GPX3: variants seen among roughly 807,000 people sequenced by gnomAD.
GPX3 encodes the protein glutathione peroxidase 3, also known as GPx-3.
Under a neutral mutation model 25.1 loss-of-function variants are expected in GPX3, and 22 were observed. The observed-to-expected ratio is 0.88, with a 90% CI of 0.63 to 1.25. The LOEUF is 1.25. GPX3 is among the 50% of genes most tolerant of loss of function. GPX3 has a pLI of 0.00. For synonymous variants in GPX3, 110 were observed against 114.5 expected, an observed-to-expected ratio of 0.96 and a Z score of 0.25; for missense variants, 278 against 286.6, an observed-to-expected ratio of 0.97 and a Z score of 0.22.
Position 151,021,317 on chromosome 5 carries a change from A to G in GPX3, c.87+576A>G, listed in dbSNP as rs6873202. On this transcript the variant is annotated intron_variant, in intron 1 of 4. Coordinates refer to ENST00000388825, the MANE Select transcript of GPX3 (RefSeq NM_002084.5). ...GAAGAGGCAGAGATCTGTGCTAGAA[A>G]GAGCTCTGGAGTGACAGTGCAGAAC... The G allele has an allele frequency of 4.4e-3, 710 of 160,472 alleles. 5 individuals carry two copies. Among genetic ancestry groups the G allele is most frequent in the African/African-American group, 0.016 (665 of 41,588 alleles). 9.9% of individuals were successfully genotyped at this position (160,472 alleles called of 1,614,324 possible).
In GPX3 at chr5:151,020,757, G is replaced by GGAGCAAATTTATTTTCTGCTTCTAA; in HGVS notation, c.87+17_87+18insAGCAAATTTATTTTCTGCTTCTAAG. 1 of 1,606,892 alleles carries GGAGCAAATTTATTTTCTGCTTCTAA rather than the reference G, an allele frequency of 6.2e-7. No individual in the cohort carries two copies. On this transcript the variant is annotated intron_variant, in intron 1 of 4. Transcript: ENST00000388825. ...GAAGTCGAAGGTGAGTGAGCCTCCG[G>GGAGCAAATTTATTTTCTGCTTCTAA]GCCGGGGGCCGGGAGAAAAAACCTA...
intron 1 of GPX3, among the ~76,000 whole-genome samples, chr5:151,024,571 C>T (rs1388589918): frequency 6.6e-6 from 1 of 152,226 alleles, no homozygotes; most frequent in African/African-American, 2.4e-5. Flanking sequence ...GCCCACAGTC[C>T]ACTGCACTCT....
In GPX3 at chr5:151,020,617, A is replaced by AGC; in HGVS notation, c.-36_-35dup. ...GACGGACGGTGGCCAGGGATCAGGC[A>AGC]GCGGCTCAGGCGACCCTGAGTGTGC... On this transcript the variant is annotated 5_prime_UTR_variant, in exon 1 of 5. Transcript: ENST00000388825. 1 of 1,559,762 alleles carries AGC rather than the reference A, an allele frequency of 6.4e-7. No individual in the cohort carries two copies. Among genetic ancestry groups the AGC allele is most frequent in the Admixed American group, 1.8e-5 (1 of 56,942 alleles).
intron 1 of GPX3, among the ~76,000 whole-genome samples, chr5:151,022,947 A>T (rs8177422): frequency 6.6e-6 from 1 of 152,110 alleles, no homozygotes; most frequent in Non-Finnish European, 1.5e-5. Flanking sequence ...GACACAGCAA[A>T]GCCCAGCACT....
chr5:151,025,986 A>G (rs972720793), intron 2 of GPX3, among the ~76,000 whole-genome samples: 1 of 152,168 alleles, frequency 6.6e-6, no homozygotes, highest in Non-Finnish European at 1.5e-5. Flanking sequence ...AACTTTGAAG[A>G]TGATCTAGTT....
chr5:151,027,780 G>T, intron 4 of GPX3, 129 bp from the exon 5 acceptor site: 1 of 805,048 alleles, frequency 1.2e-6, no homozygotes, highest in Non-Finnish European at 2.2e-6. Context: ...CACAGCTGGC[G>T]CTGGCAGTCT....
At chr5:151,027,301 C>A in intron 3 of GPX3, 131 bp from the exon 4 acceptor site, 1 of 675,422 alleles carries the variant, frequency 1.5e-6, no homozygotes, top group South Asian at 1.8e-5. Context: ...ACTGCACATT[C>A]ACTGGCTCCT....
intron 4 of GPX3, 35 bp from the exon 5 acceptor site, chr5:151,027,874 A>G: frequency 1.9e-6 from 3 of 1,569,416 alleles, no homozygotes; most frequent in South Asian, 2.2e-5. Flanking sequence ...AGGGGGCCTC[A>G]AGCAAGGTTG....
chr5:151,028,010 G>C lies in GPX3; in HGVS notation c.561G>C (p.Leu187=), dbSNP rs1199213760. 6.2e-7 allele frequency: 1 copy of C among 1,614,082 alleles called. No individual in the cohort carries two copies. ...TCCGCTGGAACTTTGAGAAGTTCCT[G>C]GTGGGGCCAGATGGTATACCCATCA... ...HDIRWNFEKF[L]VGPDGIPIMR... is the part of the protein sequence containing the mutation. The change falls in exon 5 of 5, where the codon CTG becomes CTC. Residue 187 remains leucine, a synonymous_variant. Coordinates refer to ENST00000388825, the MANE Select transcript of GPX3 (RefSeq NM_002084.5).
chr5:151,027,992 G>A lies in GPX3; in HGVS notation c.543G>A (p.Trp181Ter), dbSNP rs574927554. 8.1e-6 allele frequency: 13 copies of A among 1,614,178 alleles called. No individual in the cohort carries two copies. In the South Asian group the frequency reaches 1.4e-4, roughly 18 times the overall value. Residue 181 changes from tryptophan (W) to a stop codon, truncating the protein, a stop_gained, in exon 5 of 5, where the codon TGG becomes TGA. Coordinates refer to ENST00000388825, the MANE Select transcript of GPX3 (RefSeq NM_002084.5). LOFTEE classifies it high-confidence loss of function. ...WEPMKVHDIR[W>*]NFEKFLVGPD... is the part of the protein sequence containing the mutation. ...CCATGAAGGTTCACGACATCCGCTG[G>A]AACTTTGAGAAGTTCCTGGTGGGGC...
intron 2 of GPX3, 44 bp from the exon 3 acceptor site, chr5:151,026,856 C>T: frequency 7.0e-7 from 1 of 1,432,394 alleles, no homozygotes; most frequent in Non-Finnish European, 9.8e-7. Flanking sequence ...AGACAGGGCT[C>T]CTCGCCAGGA....
Position 151,025,334 on chromosome 5 carries a change from T to C in GPX3, c.88-6T>C. 1.1e-5 allele frequency: 17 copies of C among 1,576,404 alleles called. No individual in the cohort carries two copies. Among genetic ancestry groups the C allele is most frequent in the Non-Finnish European group, 1.3e-5 (15 of 1,158,778 alleles). On this transcript the variant is annotated splice_polypyrimidine_tract_variant and splice_region_variant and intron_variant, in intron 1 of 4. Transcript: ENST00000388825. ...CTAACTGCTCCTTTTATGGCCTGTG[T>C]TCCAGATGGACTGCCATGGTGGCAT...
At chr5:151,021,006 C>T (rs2078994051) in intron 1 of GPX3, 1 of 484,062 alleles carries the variant, frequency 2.1e-6, no homozygotes, top group Admixed American at 3.9e-5. Flanking sequence ...TCTCTCTCCC[C>T]GAGCTCGCAC....
intron 2 of GPX3, among the ~76,000 whole-genome samples, 180 bp downstream of exon 2, chr5:151,025,673 T>C (rs2113146602): frequency 6.6e-6 from 1 of 152,358 alleles, no homozygotes; most frequent in Non-Finnish European, 1.5e-5. Flanking sequence ...GAGGTCTGAT[T>C]GCCTTTGGAC....
At chr5:151,027,169 G>A in intron 3 of GPX3, 152 bp downstream of exon 3, 2 of 660,782 alleles carry the variant, frequency 3.0e-6, no homozygotes, top group Non-Finnish European at 5.4e-6. Flanking sequence ...AGGGACAAGA[G>A]AGGGAGAAGG....
intron 1 of GPX3, among the ~76,000 whole-genome samples, chr5:151,024,962 C>A: frequency 6.6e-6 from 1 of 152,170 alleles, no homozygotes; most frequent in Non-Finnish European, 1.5e-5. Context: ...AGCTTTAGGG[C>A]AGTCTCCCTG....
chr5:151,026,203 CA>C (rs1326443238), intron 2 of GPX3, among the ~76,000 whole-genome samples: 1 of 152,158 alleles, frequency 6.6e-6, no homozygotes, highest in Non-Finnish European at 1.5e-5. Context: ...CGACAGCACC[CA>C]GGGGAAAACG....
At chr5:151,027,831 A>G (rs1375224444) in intron 4 of GPX3, 78 bp from the exon 5 acceptor site, 1 of 1,190,056 alleles carries the variant, frequency 8.4e-7, no homozygotes. Context: ...GGGCCAGGCT[A>G]TTCCCCAGGA....
At chr5:151,024,499 A>C (rs1756518783) in intron 1 of GPX3, among the ~76,000 whole-genome samples, 1 of 152,172 alleles carries the variant, frequency 6.6e-6, no homozygotes, top group Admixed American at 6.5e-5. Flanking sequence ...AAGAAAAGAA[A>C]GGGCCAGTCC....
Sources: allele counts gnomAD v4.1 joint callset (sites outside exome capture counted in the v4.1 genomes callset), GRCh38; gene constraint gnomAD v4.1.1; transcripts MANE v1.5; gene names NCBI Gene and HGNC (gene_info 2026-07-23, HGNC 2026-07-21).